Variants in PGAP4 observed in about 807,000 individuals in gnomAD.
PGAP4 encodes post-GPI attachment to proteins GalNAc transferase 4, also known as GPI-N-acetylgalactosamine transferase PGAP4.
In PGAP4, 12 loss-of-function variants were observed where a neutral mutation model predicts 28.2. That is an observed-to-expected ratio of 0.42 (90% CI 0.27 to 0.69). The LOEUF (loss-of-function observed/expected upper bound fraction) is 0.69, where lower values mean the gene tolerates loss of function less well. Among genes scored for constraint, PGAP4 ranks in the 30% least tolerant of loss-of-function variants. The probability of loss-of-function intolerance (pLI) is 0.22; values close to 1 mark genes in which losing one functional copy is unlikely to be tolerated. For synonymous variants in PGAP4, 205 were observed against 211.8 expected, an observed-to-expected ratio of 0.97 and a Z score of 0.28; for missense variants, 425 against 513.5, an observed-to-expected ratio of 0.83 and a Z score of 1.67.
chr9:101,497,380 C>A (rs182677904), intron 2 of PGAP4, among the ~76,000 whole-genome samples: 1 of 151,454 alleles, frequency 6.6e-6, no homozygotes, highest in Non-Finnish European at 1.5e-5. Flanking sequence ...TAAGTGAGAA[C>A]CTTAAAGTTA....
At chr9:101,495,011 T>C (rs1272011772) in intron 2 of PGAP4, among the ~76,000 whole-genome samples, 1 of 148,042 alleles carries the variant, frequency 6.8e-6, no homozygotes, top group African/African-American at 2.5e-5. Context: ...TGAATTTATA[T>C]AATTTTTGGA....
chr9:101,482,771 T>C (rs2118540533), intron 1 of PGAP4, among the ~76,000 whole-genome samples: 2 of 152,288 alleles, frequency 1.3e-5, no homozygotes, highest in South Asian at 4.1e-4. Flanking sequence ...GAATCTCTTT[T>C]TTTCCCCTCA....
At chr9:101,506,083 C>T (rs748485018) in intron 2 of PGAP4, among the ~76,000 whole-genome samples, 5 of 152,214 alleles carry the variant, frequency 3.3e-5, no homozygotes, top group Admixed American at 6.6e-5. Flanking sequence ...ACAACTGGGA[C>T]ATTGGAATAG....
Position 101,520,233 on chromosome 9 carries a change from T to C in PGAP4, c.-165+11115A>G, listed in dbSNP as rs571044011. ...CCATATGAATTTTAGAATTGTGTTTTTCTAATTCTGTGAAGAATGATGGTG... is the reference window on the plus strand; with the variant it reads ...CCATATGAATTTTAGAATTGTGTTTCTCTAATTCTGTGAAGAATGATGGTG... On this transcript the variant is annotated intron_variant, in intron 2 of 3. Transcript: ENST00000374851. 5.3e-5 allele frequency among the ~76,000 whole-genome samples: 8 copies of C among 152,316 alleles called. No homozygotes were observed. In the South Asian group the frequency reaches 1.2e-3, roughly 24 times the overall value.
Position 101,473,313 on chromosome 9 carries a change from C to A in PGAP4, c.*2568G>T, listed in dbSNP as rs1826207396. ...TAAGAGACCTCCACCCTTCTAGTAACCTATATCCCTTGATATGGGAAGGAT... is the reference window on the plus strand; with the variant it reads ...TAAGAGACCTCCACCCTTCTAGTAAACTATATCCCTTGATATGGGAAGGAT... On this transcript the variant is annotated 3_prime_UTR_variant, in exon 2 of 2. Coordinates refer to ENST00000374848, the MANE Select transcript of PGAP4 (RefSeq NM_032342.3). The A allele has an allele frequency of 1.3e-5, 2 of 152,210 alleles. No homozygotes were observed. The highest frequency in any genetic ancestry group is 4.1e-4 in the South Asian group (2 of 4,828). 9.4% of individuals were successfully genotyped at this position (152,210 alleles called of 1,614,324 possible).
upstream of PGAP4, among the ~76,000 whole-genome samples, chr9:101,489,388 CA>C (rs200995190): frequency 0.019 from 2,950 of 152,112 alleles, 70 homozygotes; most frequent in Non-Finnish European, 0.026. Flanking sequence ...AATCTATTTT[CA>C]AAGGTGTGGG....
intron 2 of PGAP4, among the ~76,000 whole-genome samples, chr9:101,513,158 CTG>C (rs1003976806): frequency 6.6e-6 from 1 of 151,720 alleles, no homozygotes; most frequent in African/African-American, 2.4e-5. Context: ...CACATACAGA[CTG>C]TGTGCTGAGC....
intron 1 of PGAP4, among the ~76,000 whole-genome samples, chr9:101,484,659 C>T (rs994716250): frequency 2.0e-5 from 3 of 152,032 alleles, no homozygotes; most frequent in Non-Finnish European, 2.9e-5. Flanking sequence ...ACATGTAAAC[C>T]GGAAAGAGAG....
At chr9:101,505,475 T>C (rs945364068) in intron 2 of PGAP4, among the ~76,000 whole-genome samples, 1 of 152,118 alleles carries the variant, frequency 6.6e-6, no homozygotes, top group East Asian at 1.9e-4. Flanking sequence ...GACGGTATGA[T>C]TGATAGGAGT....
At chr9:101,530,929 T>A (rs1257366319) in intron 2 of PGAP4, among the ~76,000 whole-genome samples, 1 of 152,112 alleles carries the variant, frequency 6.6e-6, no homozygotes, top group East Asian at 1.9e-4. Flanking sequence ...ATGAGATTAA[T>A]ATTTAAATTG....
chr9:101,483,257 A>G (rs1826536467), intron 1 of PGAP4, among the ~76,000 whole-genome samples: 1 of 152,222 alleles, frequency 6.6e-6, no homozygotes, highest in South Asian at 2.1e-4. Flanking sequence ...GTCCTCAGCT[A>G]TAAAATTGGT....
chr9:101,475,137 A>G lies in PGAP4; in HGVS notation c.*744T>C, dbSNP rs1339212011. 6.6e-6 allele frequency: 1 copy of G among 152,222 alleles called. No individual in the cohort carries two copies. The highest frequency in any genetic ancestry group is 2.4e-5 in the African/African-American group (1 of 41,436). 9.4% of individuals were successfully genotyped at this position (152,222 alleles called of 1,614,324 possible). On this transcript the variant is annotated 3_prime_UTR_variant, in exon 2 of 2. Coordinates refer to ENST00000374848, the MANE Select transcript of PGAP4 (RefSeq NM_032342.3). ...ATTCTGAAATGTCCAATTTTCAAAG[A>G]GTCAGAGTAGTACAGAAATGTTCAA... is the stretch of plus-strand genomic sequence containing the variant.
chr9:101,504,119 C>CCT (rs1265148890), intron 2 of PGAP4, among the ~76,000 whole-genome samples: 2 of 151,292 alleles, frequency 1.3e-5, no homozygotes, highest in African/African-American at 4.9e-5. Context: ...ATAAGGAAGT[C>CCT]CTCTCTACTT....
chr9:101,517,780 C>A (rs900029840), intron 2 of PGAP4, among the ~76,000 whole-genome samples: 2 of 152,116 alleles, frequency 1.3e-5, no homozygotes, highest in Non-Finnish European at 2.9e-5. Flanking sequence ...GTGACTTCCA[C>A]GGAAGCTTAA....
Position 101,498,336 on chromosome 9 carries a change from G to GT in PGAP4, c.-164-9137dup, listed in dbSNP as rs202203333. Among the ~76,000 whole-genome samples, 42 of 149,916 alleles carry GT rather than the reference G, an allele frequency of 2.8e-4. 1 individual carries two copies. Among genetic ancestry groups the GT allele is most frequent in the Admixed American group, 7.4e-4 (11 of 14,938 alleles). ...ATGAGGGCAGGGAAGCATTTTAACCGTTTTTTTTTAGATTATTAATTTTTG... is the reference window on the plus strand; with the variant it reads ...ATGAGGGCAGGGAAGCATTTTAACCGTTTTTTTTTTAGATTATTAATTTTTG... On this transcript the variant is annotated intron_variant, in intron 2 of 3. Transcript: ENST00000374851.
intron 2 of PGAP4, among the ~76,000 whole-genome samples, chr9:101,492,262 C>T (rs965643220): frequency 6.6e-6 from 1 of 151,788 alleles, no homozygotes; most frequent in East Asian, 1.9e-4. Flanking sequence ...GGCACGATCT[C>T]GGCTCACTGC....
chr9:101,513,024 G>A (rs568771381), intron 2 of PGAP4, among the ~76,000 whole-genome samples: 1 of 152,278 alleles, frequency 6.6e-6, no homozygotes, highest in South Asian at 2.1e-4. Flanking sequence ...CATTGAACAA[G>A]TAAATCCTAT....
rs924046797 is a variant in PGAP4 at position 101,487,148 on chromosome 9, C to T, written c.-277G>A. ...GCAGGGCTCCCCTTGCTCAGGCGGGCCATGTGACCCGCGAGCTGCGGAGAG... is the reference window on the plus strand; with the variant it reads ...GCAGGGCTCCCCTTGCTCAGGCGGGTCATGTGACCCGCGAGCTGCGGAGAG... On this transcript the variant is annotated 5_prime_UTR_variant, in exon 1 of 2. Coordinates refer to ENST00000374848, the MANE Select transcript of PGAP4 (RefSeq NM_032342.3). 1 of 152,240 alleles carries T rather than the reference C, an allele frequency of 6.6e-6. No individual in the cohort carries two copies. Among genetic ancestry groups the T allele is most frequent in the Non-Finnish European group, 1.5e-5 (1 of 68,060 alleles). 9.4% of individuals were successfully genotyped at this position (152,240 alleles called of 1,614,324 possible). A position where few individuals can be genotyped will look rare whatever the true frequency, so the allele number is the denominator to read the frequency against.
At chr9:101,498,045 C>T (rs539636005) in intron 2 of PGAP4, among the ~76,000 whole-genome samples, 1 of 151,768 alleles carries the variant, frequency 6.6e-6, no homozygotes, top group Non-Finnish European at 1.5e-5. Flanking sequence ...CTTATTTGCC[C>T]CAGTAGGTAA....
Sources: gnomAD v4.1 joint callset for allele counts (sites outside exome capture counted in the v4.1 genomes callset) on GRCh38, gnomAD v4.1.1 for gene constraint, MANE v1.5 for transcripts, NCBI Gene and HGNC (gene_info 2026-07-23, HGNC 2026-07-21) for gene names.